The following LOC131768270 variants were observed in gnomAD, a reference collection of about 807,000 sequenced individuals.
At chr5:140,567,476 G>A in the LOC131768270 span, 1 of 1,614,128 alleles carries the variant, frequency 6.2e-7, no homozygotes, top group Non-Finnish European at 8.5e-7. Flanking sequence ...CAACAACCTG[G>A]TGATCTATCT....
chr5:140,568,020 C>T, the LOC131768270 span: 1 of 1,614,038 alleles, frequency 6.2e-7, no homozygotes, highest in Non-Finnish European at 8.5e-7. Context: ...TTTGTGGTGT[C>T]CTGCTCGCTG....
At chr5:140,565,945 G>A in the LOC131768270 span, 2 of 398,820 alleles carry the variant, frequency 5.0e-6, no homozygotes, top group East Asian at 3.6e-5. Flanking sequence ...GCGTGTAGAA[G>A]ACGAAGTCAA....
chr5:140,567,969 T>C, the LOC131768270 span: 1 of 1,614,198 alleles, frequency 6.2e-7, no homozygotes, highest in Admixed American at 1.7e-5. Flanking sequence ...GGACTGCTCA[T>C]GTCTGCTGTC....
the LOC131768270 span, among the ~76,000 whole-genome samples, chr5:140,566,330 G>A: frequency 1.3e-5 from 2 of 152,354 alleles, no homozygotes; most frequent in East Asian, 3.9e-4. Context: ...CTGACCTTGT[G>A]TGGCGGTGGA....
chr5:140,566,921 C>T, the LOC131768270 span: 1 of 669,892 alleles, frequency 1.5e-6, no homozygotes, highest in Non-Finnish European at 2.7e-6. Context: ...GTTCCTCAGC[C>T]TGCACCCTGG....
the LOC131768270 span, chr5:140,566,746 G>A: frequency 1.4e-5 from 8 of 592,530 alleles, no homozygotes; most frequent in Admixed American, 6.1e-5. Flanking sequence ...CAGTTGCTAC[G>A]CAAGGGGCCC....
At chr5:140,568,206 C>G in the LOC131768270 span, 11 of 1,611,176 alleles carry the variant, frequency 6.8e-6, no homozygotes, top group African/African-American at 9.3e-5. Context: ...CCAGATCCCC[C>G]TCCCAGGCCT....
the LOC131768270 span, among the ~76,000 whole-genome samples, chr5:140,566,325 C>T: frequency 6.6e-6 from 1 of 152,136 alleles, no homozygotes; most frequent in South Asian, 2.1e-4. Context: ...CATCTCTGAC[C>T]TTGTGTGGCG....
the LOC131768270 span, chr5:140,566,616 G>A: frequency 2.3e-6 from 1 of 442,586 alleles, no homozygotes; most frequent in Non-Finnish European, 4.0e-6. Context: ...GGCTGGCTAT[G>A]TGGTGGCCAA....
chr5:140,566,372 T>A, the LOC131768270 span, among the ~76,000 whole-genome samples: 21 of 151,570 alleles, frequency 1.4e-4, no homozygotes, highest in South Asian at 2.1e-4. Context: ...GACCCCAGGG[T>A]TCTGAGATTG....
chr5:140,567,009 C>G, the LOC131768270 span: 1 of 1,140,752 alleles, frequency 8.8e-7, no homozygotes, highest in Non-Finnish European at 1.3e-6. Flanking sequence ...CCTTACTCTT[C>G]AAGCCCTGAC....
At chr5:140,568,141 C>A in the LOC131768270 span, 20 of 1,613,822 alleles carry the variant, frequency 1.2e-5, no homozygotes, top group Non-Finnish European at 1.7e-5. Context: ...ATGGCAGCCG[C>A]TAGTCCCTGA....
chr5:140,568,557 A>G, the LOC131768270 span: 1 of 261,214 alleles, frequency 3.8e-6, no homozygotes, highest in African/African-American at 2.3e-5. Context: ...GAGCCACTGG[A>G]GCTGGCTAGT....
the LOC131768270 span, chr5:140,568,340 G>A: frequency 4.8e-6 from 4 of 835,124 alleles, no homozygotes; most frequent in Non-Finnish European, 7.4e-6. Context: ...GATGTGAAGT[G>A]TGGGTTTGGT....
the LOC131768270 span, chr5:140,567,267 A>G: frequency 5.6e-6 from 9 of 1,614,084 alleles, no homozygotes; most frequent in Admixed American, 1.7e-5. Flanking sequence ...TACGGTGCCC[A>G]TGCCCCATTG....
At chr5:140,567,807 AGCG>A in the LOC131768270 span, 1 of 1,614,086 alleles carries the variant, frequency 6.2e-7, no homozygotes, top group Non-Finnish European at 8.5e-7. Context: ...ATGAAGCGAC[AGCG>A]GCTGCCCCTG....
the LOC131768270 span, chr5:140,566,541 T>C: frequency 2.4e-6 from 1 of 411,916 alleles, no homozygotes; most frequent in African/African-American, 2.1e-5. Context: ...CTAGCTAAGT[T>C]TCCTTCTGCA....
At chr5:140,567,379 G>C in the LOC131768270 span, 10 of 1,614,040 alleles carry the variant, frequency 6.2e-6, no homozygotes, top group Non-Finnish European at 6.8e-6. Context: ...TCTCCCTTCT[G>C]GTAGGCTGGC....
the LOC131768270 span, chr5:140,567,461 G>C: frequency 6.2e-7 from 1 of 1,614,116 alleles, no homozygotes; most frequent in South Asian, 1.1e-5. Flanking sequence ...GCTCTATGGC[G>C]CTAACAACAA....
Sources: gnomAD v4.1 joint callset for allele counts (sites outside exome capture counted in the v4.1 genomes callset) on GRCh38, gnomAD v4.1.1 for gene constraint, MANE v1.5 for transcripts.